RBPJ: variants seen among roughly 807,000 people sequenced by gnomAD.
RBPJ encodes recombining binding protein suppressor of hairless.
Under a neutral mutation model 67.8 loss-of-function variants are expected in RBPJ, and 9 were observed. That is an observed-to-expected ratio of 0.13 (90% CI 0.08 to 0.23). The LOEUF is 0.23. Among genes scored for constraint, RBPJ ranks in the 10% least tolerant of loss-of-function variants. The pLI is 1.00. For missense variants in RBPJ, 305 were observed against 595.6 expected (o/e 0.51, Z 5.08); for synonymous variants, 198 against 203.3 (o/e 0.97, Z 0.22).
chr4:26,149,599 A>G, the RBPJ span, among the ~76,000 whole-genome samples: 1 of 152,200 alleles, frequency 6.6e-6, no homozygotes, highest in African/African-American at 2.4e-5. Flanking sequence ...TAGGTTTGTT[A>G]CAAAAGTGAG....
chr4:26,240,392 C>G (rs1020744458), intron 1 of RBPJ, among the ~76,000 whole-genome samples: 1 of 152,214 alleles, frequency 6.6e-6, no homozygotes, highest in Non-Finnish European at 1.5e-5. Flanking sequence ...ACCCTCCTCT[C>G]CAGATCAATA....
At chr4:26,188,315 C>T (rs1717351337) in intron 1 of RBPJ, among the ~76,000 whole-genome samples, 1 of 152,152 alleles carries the variant, frequency 6.6e-6, no homozygotes, top group Non-Finnish European at 1.5e-5. Flanking sequence ...ATAAAAGGAT[C>T]TTAATAAATC....
At chr4:26,328,930 G>A (rs1723935472) in intron 1 of RBPJ, among the ~76,000 whole-genome samples, 1 of 152,136 alleles carries the variant, frequency 6.6e-6, no homozygotes, top group South Asian at 2.1e-4. Flanking sequence ...GATTATGGAT[G>A]GCCTAAGGTG....
rs1463484272 is a variant in RBPJ at position 26,424,387 on chromosome 4, G to T, written c.542G>T (p.Arg181Leu). Residue 181 changes from arginine to leucine, a missense_variant, in exon 6 of 11, where the codon CGA becomes CTA. By Grantham distance (102) the Arg-to-Leu change is moderately radical. This residue lies in a region of RBPJ where 66 missense variants were observed against 226.0 expected (regional missense o/e 0.29). Transcript: ENST00000355476. The surrounding 1 kb of genome is among the most constrained non-coding windows in gnomAD (Gnocchi z 5.3). ...GTKVALFNRLRSQTVSTRYLH... is the reference protein window; with the variant it reads ...GTKVALFNRLLSQTVSTRYLH... ...AAGGTGGCTCTGTTTAATCGACTAC[G>T]ATCCCAGACAGTTAGTACCAGATAC... 1 of 1,613,970 alleles carries T rather than the reference G, an allele frequency of 6.2e-7. No individual in the cohort carries two copies. The highest frequency in any genetic ancestry group is 8.5e-7 in the Non-Finnish European group (1 of 1,179,928).
At chr4:26,335,584 A>ATG (rs1336151314) in intron 1 of RBPJ, among the ~76,000 whole-genome samples, 1 of 148,218 alleles carries the variant, frequency 6.7e-6, no homozygotes, top group Non-Finnish European at 1.5e-5. Context: ...TGTCACAGCC[A>ATG]TGTCAACTTC....
chr4:26,415,672 G>A, intron 4 of RBPJ, 32 bp downstream of exon 4: 1 of 1,558,322 alleles, frequency 6.4e-7, no homozygotes. Flanking sequence ...ACCAGAAAGG[G>A]GCACCATGGT....
chr4:26,106,014 TA>T, the RBPJ span, among the ~76,000 whole-genome samples: 2 of 152,196 alleles, frequency 1.3e-5, no homozygotes, highest in African/African-American at 4.8e-5. Flanking sequence ...CAATCTGTGA[TA>T]AATAATAGCC....
At chr4:26,115,455 G>A in the RBPJ span, among the ~76,000 whole-genome samples, 4 of 152,036 alleles carry the variant, frequency 2.6e-5, no homozygotes, top group African/African-American at 9.7e-5. Flanking sequence ...CGCGATCTCA[G>A]CTCACTGCAA....
chr4:26,377,141 A>G (rs1729832426), intron 1 of RBPJ, among the ~76,000 whole-genome samples: 1 of 152,238 alleles, frequency 6.6e-6, no homozygotes, highest in Non-Finnish European at 1.5e-5. Context: ...GCCTTGAAAG[A>G]GTAGTAGTGG....
Position 26,255,403 on chromosome 4 carries a change from CAAA to C in RBPJ, c.-167+91810_-167+91812del, listed in dbSNP as rs766336628. Among the ~76,000 whole-genome samples, 3 of 34,548 alleles carry C rather than the reference CAAA, an allele frequency of 8.7e-5. No homozygotes were observed. The Admixed American group carries it at 1.1e-3, about 13-fold the overall frequency. 22.7% of individuals were successfully genotyped at this position (34,548 alleles called of 152,430 possible). On this transcript the variant is annotated intron_variant, in intron 1 of 4. Coordinates refer to the RBPJ transcript ENST00000512351. ...TGGGCGACAGAGCGAGACTCCGTCT[CAAA>C]AAAAAAAAAAAAAAAAAAAAGTAAT...
chr4:26,144,118 A>G, the RBPJ span, among the ~76,000 whole-genome samples: 152 of 152,312 alleles, frequency 1.0e-3, 4 homozygotes, highest in Non-Finnish European at 3.1e-4. Context: ...TAAAGTTTTC[A>G]TGCAATTTGA....
intron 1 of RBPJ, among the ~76,000 whole-genome samples, chr4:26,215,453 G>A (rs1474031880): frequency 1.3e-5 from 2 of 150,568 alleles, no homozygotes; most frequent in Admixed American, 6.6e-5. Context: ...CATCAAAGAG[G>A]GACAAAAACA....
the RBPJ span, among the ~76,000 whole-genome samples, chr4:26,138,391 GC>G: frequency 6.6e-6 from 1 of 150,588 alleles, no homozygotes; most frequent in South Asian, 2.1e-4. Flanking sequence ...AAAAGGCAGA[GC>G]AGGGATGAAA....
chr4:26,205,780 A>G (rs2109161167), intron 1 of RBPJ, among the ~76,000 whole-genome samples: 1 of 152,088 alleles, frequency 6.6e-6, no homozygotes, highest in South Asian at 2.1e-4. Context: ...TTTAGTAGAG[A>G]CAGGGTTTCA....
At chr4:26,225,585 T>G (rs1289599403) in intron 1 of RBPJ, among the ~76,000 whole-genome samples, 1 of 152,092 alleles carries the variant, frequency 6.6e-6, no homozygotes, top group Non-Finnish European at 1.5e-5. Context: ...GAGCGAACCA[T>G]GATGTAAACT....
the RBPJ span, among the ~76,000 whole-genome samples, chr4:26,133,365 G>A: frequency 1.3e-5 from 2 of 152,168 alleles, no homozygotes; most frequent in East Asian, 3.9e-4. Context: ...CTTGAGCTCA[G>A]GAGCTCAAGA....
intron 1 of RBPJ, among the ~76,000 whole-genome samples, chr4:26,175,048 C>T (rs1258713345): frequency 2.0e-5 from 3 of 152,102 alleles, no homozygotes; most frequent in Non-Finnish European, 4.4e-5. Flanking sequence ...CATGTGTTTT[C>T]TCATTGTAAT....
Position 26,424,286 on chromosome 4 carries a change from C to T in RBPJ, c.497-56C>T. The T allele has an allele frequency of 6.4e-7, 1 of 1,557,758 alleles. No homozygotes were observed. The highest frequency in any genetic ancestry group is 8.8e-7 in the Non-Finnish European group (1 of 1,142,786). On this transcript the variant is annotated intron_variant, in intron 5 of 10. Coordinates refer to ENST00000355476, the MANE Select transcript of RBPJ (RefSeq NM_015874.6). This position sits in a 1 kb window ranked among gnomAD's most constrained non-coding sequence, Gnocchi z 5.3. The stretch of plus-strand genomic sequence containing the variant: ...TGCCAAGCAGAATTTCCTTCTTTTG[C>T]TCCCTCCCCACCTTCTGCTCCAATC...
At chr4:26,210,720 T>TTTCCTTCTTTCCTTCTTTCCTTCC (rs55831777) in intron 1 of RBPJ, among the ~76,000 whole-genome samples, 6 of 70,934 alleles carry the variant, frequency 8.5e-5, no homozygotes, top group African/African-American at 2.7e-4. Flanking sequence ...TCTTTCCTTC[T>TTTCCTTCTTTCCTTCTTTCCTTCC]TTCTTTCCTT....
Sources: allele counts gnomAD v4.1 joint callset (sites outside exome capture counted in the v4.1 genomes callset), GRCh38; gene constraint gnomAD v4.1.1; regional missense constraint gnomAD v4.1.1; non-coding constraint Gnocchi (gnomAD v3.1); transcripts MANE v1.5; gene names NCBI Gene and HGNC (gene_info 2026-07-23, HGNC 2026-07-21).